Variants in PPP3CA observed in about 807,000 individuals in gnomAD.
The protein encoded by PPP3CA is protein phosphatase 3 catalytic subunit alpha, also known as CAM-PRP catalytic subunit.
In PPP3CA, 14 loss-of-function variants were observed where a neutral mutation model predicts 66.5. The ratio of observed to expected loss-of-function variants is 0.21; its 90% CI spans 0.14 to 0.33. The LOEUF (loss-of-function observed/expected upper bound fraction) is 0.33, where lower values mean the gene tolerates loss of function less well. Ranked by LOEUF, PPP3CA falls within the 10% of genes least tolerant of loss-of-function variation. The pLI is 1.00. For synonymous variants in PPP3CA, 232 were observed against 226.2 expected (o/e 1.03, Z -0.23); for missense variants, 317 against 639.5 (o/e 0.50, Z 5.44).
At chr4:101,143,221 TC>T (rs1260448019) in intron 2 of PPP3CA, among the ~76,000 whole-genome samples, 1 of 152,176 alleles carries the variant, frequency 6.6e-6, no homozygotes, top group East Asian at 1.9e-4. Flanking sequence ...AGGTCTTTAT[TC>T]CTACCTAAAG....
intron 1 of PPP3CA, among the ~76,000 whole-genome samples, chr4:101,288,957 G>A (rs929760041): frequency 4.3e-4 from 65 of 152,060 alleles, no homozygotes; most frequent in African/African-American, 1.5e-3. Context: ...CTGCAAGACA[G>A]AAATCCTGAA....
At chr4:101,291,994 G>A (rs138437099) in intron 1 of PPP3CA, among the ~76,000 whole-genome samples, 1 of 152,002 alleles carries the variant, frequency 6.6e-6, no homozygotes, top group Admixed American at 6.6e-5. Flanking sequence ...AGGCATGGTG[G>A]TGTACTCCTG....
intron 2 of PPP3CA, among the ~76,000 whole-genome samples, chr4:101,140,183 AAGG>A (rs1722759268): frequency 1.3e-5 from 2 of 152,314 alleles, no homozygotes; most frequent in African/African-American, 4.8e-5. Flanking sequence ...CAGTTTCCTA[AAGG>A]AGATTACTTG....
At chr4:101,216,746 T>C (rs1451985765) in intron 1 of PPP3CA, among the ~76,000 whole-genome samples, 1 of 152,062 alleles carries the variant, frequency 6.6e-6, no homozygotes, top group Non-Finnish European at 1.5e-5. Flanking sequence ...AGATGAGGCT[T>C]CACAATGTTG....
rs1726493348 is a variant in PPP3CA, at chr4:101,023,819, C to A, written c.*2046G>T. ...ACTTTATTATATAAAACAAAGTGCA[C>A]TAAAGATGAACAATGTTACAAACAA... On this transcript the variant is annotated 3_prime_UTR_variant, in exon 14 of 14. Transcript: ENST00000394854. 1.3e-5 allele frequency: 2 copies of A among 152,562 alleles called. 1 individual carries two copies. The highest frequency in any genetic ancestry group is 4.8e-5 in the African/African-American group (2 of 41,440). The allele number at this position is 152,562 out of a possible 1,614,324, so 9.5% of individuals were successfully genotyped here.
rs575611076 is a variant in PPP3CA at position 101,143,130 on chromosome 4, TTC to T, written c.260-34054_260-34053del. ...GAGAGAAAGTGGGCTGGGATCCACA[TTC>T]TCTGTTTTCTGGTTCTCTACTTCCT... On this transcript the variant is annotated intron_variant, in intron 2 of 13. Transcript: ENST00000394854. 2.0e-5 allele frequency among the ~76,000 whole-genome samples: 3 copies of T among 152,190 alleles called. No homozygotes were observed. The South Asian group carries it at 6.2e-4, about 32-fold the overall frequency.
intron 10 of PPP3CA, among the ~76,000 whole-genome samples, chr4:101,053,946 C>A (rs1461332070): frequency 6.6e-6 from 1 of 152,024 alleles, no homozygotes; most frequent in Non-Finnish European, 1.5e-5. Flanking sequence ...ATCCTTTGTT[C>A]ATTTTCCAAG....
At chr4:101,182,168 A>G (rs1724256057) in intron 2 of PPP3CA, among the ~76,000 whole-genome samples, 1 of 152,186 alleles carries the variant, frequency 6.6e-6, no homozygotes, top group African/African-American at 2.4e-5. Flanking sequence ...GGTATTAAAC[A>G]AAATCAAATT....
intron 2 of PPP3CA, among the ~76,000 whole-genome samples, chr4:101,151,830 G>A (rs1369805011): frequency 1.3e-5 from 2 of 151,250 alleles, no homozygotes; most frequent in South Asian, 2.1e-4. Flanking sequence ...CTAATTTTTT[G>A]TATTTTTAGT....
intron 1 of PPP3CA, among the ~76,000 whole-genome samples, chr4:101,250,795 A>C (rs1172545823): frequency 6.6e-6 from 1 of 152,058 alleles, no homozygotes; most frequent in Non-Finnish European, 1.5e-5. Flanking sequence ...TAATAGGTTT[A>C]ATAAGCAAGT....
At chr4:101,101,492 A>G in intron 3 of PPP3CA, among the ~76,000 whole-genome samples, 1 of 152,272 alleles carries the variant, frequency 6.6e-6, no homozygotes, top group South Asian at 2.1e-4. Flanking sequence ...TTAATTTAGG[A>G]TGTCTAGTTT....
At chr4:101,045,898 C>T (rs183213818) in intron 10 of PPP3CA, among the ~76,000 whole-genome samples, 162 of 152,272 alleles carry the variant, frequency 1.1e-3, no homozygotes, top group Non-Finnish European at 1.9e-3. Flanking sequence ...TGATGAGTAT[C>T]TAAGTATAAA....
At chr4:101,124,671 A>C (rs867782328) in intron 2 of PPP3CA, among the ~76,000 whole-genome samples, 49 of 54,030 alleles carry the variant, frequency 9.1e-4, no homozygotes, top group African/African-American at 4.0e-3. Context: ...GACAGAAAGA[A>C]AGAAAGAAAG....
chr4:101,118,253 C>T (rs533749761), intron 2 of PPP3CA, among the ~76,000 whole-genome samples: 2 of 152,062 alleles, frequency 1.3e-5, no homozygotes, highest in Non-Finnish European at 2.9e-5. Flanking sequence ...GGAACTAAGA[C>T]TACGATGCCA....
chr4:101,328,945 C>A (rs1729287814), intron 1 of PPP3CA, among the ~76,000 whole-genome samples: 1 of 152,066 alleles, frequency 6.6e-6, no homozygotes, highest in Admixed American at 6.6e-5. Flanking sequence ...GGCCTCCCTA[C>A]TCCCTGAGAC....
intron 2 of PPP3CA, among the ~76,000 whole-genome samples, chr4:101,165,427 C>G (rs941934736): frequency 2.0e-5 from 3 of 151,990 alleles, no homozygotes; most frequent in African/African-American, 7.3e-5. Flanking sequence ...ATCTTTAAGA[C>G]AGATTCAGAC....
chr4:101,207,188 G>T (rs1202717614), intron 1 of PPP3CA, among the ~76,000 whole-genome samples: 2 of 152,160 alleles, frequency 1.3e-5, no homozygotes, highest in Non-Finnish European at 2.9e-5. Flanking sequence ...GTACAACAGT[G>T]CCCCACTGCT....
chr4:101,274,753 A>G (rs1727436890), intron 1 of PPP3CA, among the ~76,000 whole-genome samples: 1 of 152,200 alleles, frequency 6.6e-6, no homozygotes, highest in South Asian at 2.1e-4. Flanking sequence ...CTTTAAAGAA[A>G]GCTTTCCTTC....
rs199877919 is a variant in PPP3CA at position 101,106,500 on chromosome 4, G to GAA, written c.384+2452_384+2453dup. Among the ~76,000 whole-genome samples the GAA allele has an allele frequency of 2.6e-5, 2 of 75,612 alleles. 1 individual carries two copies. The highest frequency in any genetic ancestry group is 9.5e-5 in the African/African-American group (2 of 20,958). The allele number at this position is 75,612 out of a possible 152,430, so 49.6% of individuals were successfully genotyped here. A position where few individuals can be genotyped will look rare whatever the true frequency, so the allele number is the denominator to read the frequency against. ...GAAAAGAAAAGAAAAGAAAAGAAAA[G>GAA]AAAGAAAGAAAGAAAAAGAAAGAAA... On this transcript the variant is annotated intron_variant, in intron 3 of 13. Transcript: ENST00000394854.
Sources: allele counts gnomAD v4.1 joint callset (sites outside exome capture counted in the v4.1 genomes callset), GRCh38; gene constraint gnomAD v4.1.1; transcripts MANE v1.5; gene names NCBI Gene and HGNC (gene_info 2026-07-23, HGNC 2026-07-21).